Variants in HS1BP3 observed in about 807,000 individuals in gnomAD.
HS1BP3 encodes HCLS1 binding protein 3, also known as HCLS1-binding protein 3.
HS1BP3 carries 32 observed loss-of-function variants against 33.5 expected under a neutral mutation model. The ratio of observed to expected loss-of-function variants is 0.95; its 90% CI spans 0.72 to 1.28. The LOEUF (loss-of-function observed/expected upper bound fraction) is 1.28, where lower values mean the gene tolerates loss of function less well. Ranked by LOEUF, HS1BP3 falls within the 50% of genes most tolerant of loss-of-function variation. The pLI is 0.00. For synonymous variants in HS1BP3, 187 were observed against 209.2 expected (o/e 0.89, Z 0.92); for missense variants, 486 against 502.3 (o/e 0.97, Z 0.31).
At chr2:20,572,844 C>T (rs2149273026) in intron 5 of HS1BP3, among the ~76,000 whole-genome samples, 1 of 152,264 alleles carries the variant, frequency 6.6e-6, no homozygotes, top group East Asian at 1.9e-4. Flanking sequence ...TCCAGGGCTG[C>T]AGCTGTGCTC....
chr2:20,599,452 T>C (rs1694020316), intron 2 of HS1BP3, among the ~76,000 whole-genome samples: 1 of 152,158 alleles, frequency 6.6e-6, no homozygotes, highest in Non-Finnish European at 1.5e-5. Flanking sequence ...GCAAATGAGC[T>C]TTAGGTATTT....
chr2:20,647,070 G>T (rs1422132934), intron 1 of HS1BP3, among the ~76,000 whole-genome samples: 1 of 152,154 alleles, frequency 6.6e-6, no homozygotes, highest in East Asian at 1.9e-4. Context: ...GGCACAGGGG[G>T]GTGAAAGTGA....
At chr2:20,590,472 C>T (rs1392889067), downstream of HS1BP3, among the ~76,000 whole-genome samples, 2 of 152,332 alleles carry the variant, frequency 1.3e-5, no homozygotes, top group African/African-American at 4.8e-5. Context: ...CCTGCCTCAC[C>T]CCCTCATCCC....
intron 4 of HS1BP3, among the ~76,000 whole-genome samples, chr2:20,628,707 G>C (rs527404801): frequency 6.6e-6 from 1 of 152,252 alleles, no homozygotes; most frequent in Admixed American, 6.5e-5. Context: ...ACAGAGGACA[G>C]AGCCAACCAA....
At position 20,618,092 on chromosome 2, in the gene HS1BP3, C is replaced by T. The variant is rs1057408224; in HGVS notation, c.*895G>A. ...TGGGAGGCGGTGCAGGCTGGGAGCCCTGCCCAGGCCCCAGGCTGAGCTGTG... is the reference window on the plus strand; with the variant it reads ...TGGGAGGCGGTGCAGGCTGGGAGCCTTGCCCAGGCCCCAGGCTGAGCTGTG... On this transcript the variant is annotated 3_prime_UTR_variant, in exon 7 of 7. Coordinates refer to ENST00000304031, the MANE Select transcript of HS1BP3 (RefSeq NM_022460.4). The T allele has an allele frequency of 6.6e-6, 1 of 152,390 alleles. No homozygotes were observed. The highest frequency in any genetic ancestry group is 1.5e-5 in the Non-Finnish European group (1 of 68,110). 9.4% of individuals were successfully genotyped at this position (152,390 alleles called of 1,614,324 possible).
intron 2 of HS1BP3, among the ~76,000 whole-genome samples, chr2:20,643,343 C>T (rs1025336969): frequency 3.9e-5 from 6 of 152,172 alleles, no homozygotes; most frequent in African/African-American, 1.2e-4. Flanking sequence ...GCCCAAGCTT[C>T]CCAGAATGCT....
chr2:20,577,142 G>A (rs546459685), intron 5 of HS1BP3, among the ~76,000 whole-genome samples: 1 of 152,364 alleles, frequency 6.6e-6, no homozygotes, highest in East Asian at 1.9e-4. Flanking sequence ...GTGGCCCAGG[G>A]CAAGTGAAGG....
chr2:20,641,151 C>G lies in HS1BP3; in HGVS notation c.228G>C (p.Glu76Asp). ...LVSKKYSEIE[E>D]FYQKLSSRYA... ...AACGACTGCTCAGTTTCTGGTAAAA[C>G]TCCTCAATCTCGCTGTACTTTTTGG... The change falls in exon 3 of 7, where the codon GAG (glutamate) becomes GAC (aspartate). Residue 76 changes from glutamate to aspartate, a missense_variant. Glu to Asp is a conservative substitution (Grantham distance 45). Coordinates refer to ENST00000304031, the MANE Select transcript of HS1BP3 (RefSeq NM_022460.4). 1 of 1,609,104 alleles carries G rather than the reference C, an allele frequency of 6.2e-7. No homozygotes were observed. Among genetic ancestry groups the G allele is most frequent in the Non-Finnish European group, 8.5e-7 (1 of 1,179,974 alleles).
intron 2 of HS1BP3, among the ~76,000 whole-genome samples, chr2:20,604,270 T>C (rs1244010678): frequency 6.6e-6 from 1 of 152,184 alleles, no homozygotes; most frequent in Non-Finnish European, 1.5e-5. Context: ...ACTTCAGTGG[T>C]CATTCACCCC....
exon 4 of HS1BP3, chr2:20,592,794 C>G (rs1332386339): frequency 6.6e-6 from 1 of 152,266 alleles, no homozygotes; most frequent in Admixed American, 6.5e-5. Context: ...TACAGAAACA[C>G]CTGTGATTGG....
chr2:20,620,403 G>C (rs1694559792), intron 6 of HS1BP3, among the ~76,000 whole-genome samples: 1 of 152,222 alleles, frequency 6.6e-6, no homozygotes, highest in Non-Finnish European at 1.5e-5. Flanking sequence ...GTCACGGCGA[G>C]GTTTTCCCTT....
chr2:20,576,150 C>T (rs1215137779), intron 5 of HS1BP3, among the ~76,000 whole-genome samples: 3 of 152,068 alleles, frequency 2.0e-5, no homozygotes, highest in Admixed American at 6.6e-5. Context: ...GGCTAATTTT[C>T]TTTTAGTTTT....
chr2:20,634,886 C>A (rs1031082994), intron 4 of HS1BP3: 3 of 152,246 alleles, frequency 2.0e-5, no homozygotes, highest in Admixed American at 6.5e-5. Context: ...TGTGGGCTCC[C>A]CCTTCCAGGG....
chr2:20,568,520 C>G (rs1005448168), intron 5 of HS1BP3, among the ~76,000 whole-genome samples: 3 of 152,152 alleles, frequency 2.0e-5, no homozygotes, highest in African/African-American at 7.2e-5. Flanking sequence ...CAGGATCAGA[C>G]TTGTGGCTTG....
chr2:20,598,842 G>A (rs1038552437), intron 2 of HS1BP3, among the ~76,000 whole-genome samples: 6 of 152,172 alleles, frequency 3.9e-5, no homozygotes, highest in African/African-American at 1.4e-4. Context: ...ACAGGCGTGA[G>A]CCACCGCGCC....
intron 5 of HS1BP3, among the ~76,000 whole-genome samples, chr2:20,583,552 ACCGCT>A (rs1693585841): frequency 6.6e-6 from 1 of 152,196 alleles, no homozygotes; most frequent in African/African-American, 2.4e-5. Context: ...GAAGCCTGGC[ACCGCT>A]CCTTCCAGCT....
intron 2 of HS1BP3, among the ~76,000 whole-genome samples, chr2:20,609,713 G>A (rs1045295337): frequency 2.6e-5 from 4 of 152,210 alleles, no homozygotes; most frequent in African/African-American, 9.6e-5. Flanking sequence ...TACAGAGGAG[G>A]AGAGAGATGC....
downstream of HS1BP3, among the ~76,000 whole-genome samples, chr2:20,555,823 T>G (rs762981112): frequency 1.3e-5 from 2 of 152,152 alleles, no homozygotes; most frequent in Non-Finnish European, 2.9e-5. Context: ...GGCTTCTTGA[T>G]CTTAGAAACT....
At chr2:20,624,113 G>A in intron 5 of HS1BP3, 82 bp from the exon 6 acceptor site, 1 of 1,514,436 alleles carries the variant, frequency 6.6e-7, no homozygotes, top group South Asian at 1.2e-5. Flanking sequence ...CCCCACCCCA[G>A]GAAGTCTTCT....
Sources: gnomAD v4.1 joint callset for allele counts (sites outside exome capture counted in the v4.1 genomes callset) on GRCh38, gnomAD v4.1.1 for gene constraint, MANE v1.5 for transcripts, NCBI Gene and HGNC (gene_info 2026-07-23, HGNC 2026-07-21) for gene names.